The following COP1 variants were observed in gnomAD, a reference collection of about 807,000 sequenced individuals.
COP1 encodes the protein E3 ubiquitin-protein ligase COP1.
In COP1, 24 loss-of-function variants were observed where a neutral mutation model predicts 101.3. The observed-to-expected ratio is 0.24, with a 90% confidence interval of 0.17 to 0.33. The LOEUF (loss-of-function observed/expected upper bound fraction) is 0.33. Among genes scored for constraint, COP1 ranks in the 10% least tolerant of loss-of-function variants. COP1 has a pLI of 1.00. For missense variants in COP1, 663 were observed against 906.2 expected (o/e 0.73, Z 3.45); for synonymous variants, 347 against 341.9 (o/e 1.01, Z -0.17).
intron 2 of COP1, among the ~76,000 whole-genome samples, chr1:176,181,869 A>T (rs1697827215): frequency 6.6e-6 from 1 of 151,964 alleles, no homozygotes; most frequent in African/African-American, 2.4e-5. Context: ...AAATAAACAA[A>T]AAAACACACG....
At chr1:176,094,333 T>A (rs974787210) in intron 9 of COP1, among the ~76,000 whole-genome samples, 1 of 151,864 alleles carries the variant, frequency 6.6e-6, no homozygotes, top group Non-Finnish European at 1.5e-5. Flanking sequence ...TATGCAACAC[T>A]TGGGTCATCA....
At chr1:175,973,353 A>G (rs1653745152) in intron 18 of COP1, among the ~76,000 whole-genome samples, 1 of 152,232 alleles carries the variant, frequency 6.6e-6, no homozygotes, top group Non-Finnish European at 1.5e-5. Context: ...TATAGTTTGC[A>G]TGTACTAATC....
intron 3 of COP1, among the ~76,000 whole-genome samples, chr1:176,166,918 CAGAG>C (rs1695237016): frequency 1.3e-5 from 2 of 152,140 alleles, no homozygotes; most frequent in Admixed American, 1.3e-4. Flanking sequence ...GCCTGCATGA[CAGAG>C]AGAGACGCTG....
At chr1:176,134,889 T>G (rs939157721) in intron 8 of COP1, 121 bp downstream of exon 8, 1 of 641,652 alleles carries the variant, frequency 1.6e-6, no homozygotes, top group African/African-American at 1.8e-5. Flanking sequence ...CATTTCTAGA[T>G]CATGACCAAA....
At chr1:176,043,083 C>G (rs909855236) in intron 14 of COP1, 103 bp downstream of exon 14, 10 of 731,604 alleles carry the variant, frequency 1.4e-5, no homozygotes, top group Admixed American at 2.2e-5. Context: ...TCACAAAGGA[C>G]TGACATGAGT....
chr1:176,165,768 A>T lies in COP1; in HGVS notation c.566-1877T>A, dbSNP rs1350371083. Among the ~76,000 whole-genome samples, 7 of 152,204 alleles carry T rather than the reference A, an allele frequency of 4.6e-5. 1 individual carries two copies. Among genetic ancestry groups the T allele is most frequent in the Admixed American group, 3.9e-4 (6 of 15,284 alleles). ...GTCAGAGTGATCTTGTGAATGATTC[A>T]CAGGGATTAAGAACTAAGCCTGGAA... On this transcript the variant is annotated intron_variant, in intron 3 of 19. Coordinates refer to ENST00000367669, the MANE Select transcript of COP1 (RefSeq NM_022457.7).
At position 176,153,663 on chromosome 1, in the gene COP1, G is replaced by A. The variant is rs150643814; in HGVS notation, c.763-4589C>T. On this transcript the variant is annotated intron_variant, in intron 5 of 19. Coordinates refer to ENST00000367669, the MANE Select transcript of COP1 (RefSeq NM_022457.7). Reference sequence around the variant, plus strand: ...TAGTGAAAGAGGGCATCCTTGTCTTGTGTTGGTTTTCAAGGGCAATGCTTC... The same window carrying A: ...TAGTGAAAGAGGGCATCCTTGTCTTATGTTGGTTTTCAAGGGCAATGCTTC... Among the ~76,000 whole-genome samples the A allele has an allele frequency of 2.6e-3, 398 of 152,280 alleles. 3 individuals carry two copies. The highest frequency in any genetic ancestry group is 9.1e-3 in the African/African-American group (380 of 41,564).
intron 18 of COP1, among the ~76,000 whole-genome samples, chr1:175,976,254 A>G (rs10913116): frequency 1.4e-5 from 2 of 139,822 alleles, no homozygotes; most frequent in East Asian, 2.1e-4. Context: ...ATAAGTCTCT[A>G]TATCAATTAG....
At chr1:175,964,558 G>A (rs1271132746) in intron 18 of COP1, among the ~76,000 whole-genome samples, 1 of 152,196 alleles carries the variant, frequency 6.6e-6, no homozygotes, top group Non-Finnish European at 1.5e-5. Context: ...AACTGCAGCT[G>A]AGATGGCTAG....
rs556535828 is a variant in COP1 at position 176,085,258 on chromosome 1, AT to A, written c.1141+517del. Among the ~76,000 whole-genome samples the A allele has an allele frequency of 3.0e-3, 435 of 146,578 alleles. 1 individual carries two copies. Among genetic ancestry groups the A allele is most frequent in the African/African-American group, 8.0e-3 (321 of 40,290 alleles). ...CCTCCCCATTTTCAATTCGGCCTGG[AT>A]TTTTTTTTTTACTATCAGTTGTATT... On this transcript the variant is annotated intron_variant, in intron 10 of 19. Coordinates refer to ENST00000367669, the MANE Select transcript of COP1 (RefSeq NM_022457.7).
intron 11 of COP1, among the ~76,000 whole-genome samples, chr1:176,056,133 A>C (rs1383659497): frequency 6.6e-6 from 1 of 152,114 alleles, no homozygotes; most frequent in Non-Finnish European, 1.5e-5. Flanking sequence ...GTTTGTAATA[A>C]ATGTTTGATC....
At chr1:176,095,211 C>CCA (rs1682105450) in intron 9 of COP1, among the ~76,000 whole-genome samples, 1 of 151,958 alleles carries the variant, frequency 6.6e-6, no homozygotes, top group Non-Finnish European at 1.5e-5. Flanking sequence ...ACTATTAAAC[C>CCA]CATACACACA....
intron 15 of COP1, among the ~76,000 whole-genome samples, chr1:176,024,031 G>A (rs1460614191): frequency 6.6e-6 from 1 of 152,136 alleles, no homozygotes; most frequent in Non-Finnish European, 1.5e-5. Flanking sequence ...GCCGAGGCAG[G>A]CAGATCACTT....
At chr1:176,003,074 T>C (rs1007306566) in intron 15 of COP1, among the ~76,000 whole-genome samples, 2 of 151,832 alleles carry the variant, frequency 1.3e-5, no homozygotes, top group African/African-American at 4.8e-5. Flanking sequence ...TGGTATCTCA[T>C]TGTGGTTTTG....
At chr1:176,144,287 C>A (rs1691228379) in intron 6 of COP1, among the ~76,000 whole-genome samples, 1 of 151,794 alleles carries the variant, frequency 6.6e-6, no homozygotes, top group Admixed American at 6.6e-5. Flanking sequence ...CATGTAAAAC[C>A]CACCTGTATT....
intron 9 of COP1, among the ~76,000 whole-genome samples, chr1:176,096,090 G>T (rs571131813): frequency 2.0e-5 from 3 of 152,218 alleles, no homozygotes; most frequent in Middle Eastern, 3.4e-3. Context: ...CCTTCTAGGT[G>T]TCCACAAGCC....
intron 11 of COP1, among the ~76,000 whole-genome samples, chr1:176,080,915 G>A (rs1268036802): frequency 6.6e-6 from 1 of 152,084 alleles, no homozygotes; most frequent in Non-Finnish European, 1.5e-5. Flanking sequence ...ACTAGACAAT[G>A]ATAGTACAAG....
rs532693359 is a variant in COP1, at chr1:176,202,392, T to C, written c.407+4180A>G. On this transcript the variant is annotated intron_variant, in intron 1 of 19. Transcript: ENST00000367669. ...TTTGTAGAGATGGGGTTTCGTCATG[T>C]TGCCCAGGATGGTCTCAAACTCCTG... Among the ~76,000 whole-genome samples, 3 of 152,146 alleles carry C rather than the reference T, an allele frequency of 2.0e-5. No homozygotes were observed. The East Asian group carries it at 5.8e-4, about 30-fold the overall frequency.
intron 11 of COP1, among the ~76,000 whole-genome samples, chr1:176,050,119 A>G (rs1370343617): frequency 1.3e-5 from 2 of 152,236 alleles, no homozygotes; most frequent in Admixed American, 6.5e-5. Flanking sequence ...ATACTTTTGA[A>G]AAATCGTGTT....
Sources: allele counts gnomAD v4.1 joint callset (sites outside exome capture counted in the v4.1 genomes callset), GRCh38; gene constraint gnomAD v4.1.1; transcripts MANE v1.5; gene names NCBI Gene and HGNC (gene_info 2026-07-23, HGNC 2026-07-21).